Variants in PKP2 observed in about 807,000 individuals in gnomAD.
The protein encoded by PKP2 is plakophilin-2.
PKP2 carries 73 observed loss-of-function variants against 83.4 expected under a neutral mutation model. That is an observed-to-expected ratio of 0.88 (90% CI 0.72 to 1.06). The LOEUF (loss-of-function observed/expected upper bound fraction) is 1.06. PKP2 is among the 50% of genes least tolerant of loss of function. The probability of loss-of-function intolerance (pLI) is 0.00; values close to 1 mark genes in which losing one functional copy is unlikely to be tolerated. For missense variants in PKP2, 966 were observed against 1,065.4 expected (o/e 0.91, Z 1.30); for synonymous variants, 409 against 430.4 (o/e 0.95, Z 0.62).
At chr12:32,896,072 G>A (rs181113405) in intron 1 of PKP2, among the ~76,000 whole-genome samples, 247 of 152,202 alleles carry the variant, frequency 1.6e-3, no homozygotes, top group African/African-American at 5.4e-3. Context: ...ATATTTATGG[G>A]GGTCATTAAT....
intron 1 of PKP2, among the ~76,000 whole-genome samples, chr12:32,883,502 T>C (rs1276735719): frequency 6.6e-6 from 1 of 152,140 alleles, no homozygotes; most frequent in African/African-American, 2.4e-5. Flanking sequence ...ACATATAAAA[T>C]AACTCAGCCA....
intron 3 of PKP2, among the ~76,000 whole-genome samples, chr12:32,872,897 GA>G (rs977944992): frequency 5.3e-5 from 8 of 151,530 alleles, no homozygotes; most frequent in African/African-American, 7.3e-5. Context: ...AATGGAAATG[GA>G]AAAAAAAGGT....
At chr12:32,812,000 T>C (rs562438142) in intron 9 of PKP2, among the ~76,000 whole-genome samples, 1 of 152,282 alleles carries the variant, frequency 6.6e-6, no homozygotes, top group South Asian at 2.1e-4. Context: ...GCCATCAGCA[T>C]GCCTGGCCTG....
At chr12:32,828,739 G>A (rs1956468072) in intron 6 of PKP2, among the ~76,000 whole-genome samples, 1 of 152,182 alleles carries the variant, frequency 6.6e-6, no homozygotes, top group Admixed American at 6.5e-5. Flanking sequence ...TTACAACACA[G>A]AACATCCAAG....
intron 9 of PKP2, among the ~76,000 whole-genome samples, chr12:32,814,849 C>A (rs1956306036): frequency 6.6e-6 from 1 of 151,940 alleles, no homozygotes; most frequent in African/African-American, 2.4e-5. Context: ...CACTTGAACC[C>A]AGGAGGCGGA....
intron 4 of PKP2, among the ~76,000 whole-genome samples, chr12:32,856,961 C>G (rs1033500919): frequency 1.3e-5 from 2 of 152,096 alleles, no homozygotes; most frequent in Non-Finnish European, 2.9e-5. Context: ...AGCTGAAGCT[C>G]AGAGAAGTAA....
At position 32,791,543 on chromosome 12, in the gene PKP2, T is replaced by C. The variant is rs927514690; in HGVS notation, c.*881A>G. On this transcript the variant is annotated 3_prime_UTR_variant, in exon 13 of 13. Transcript: ENST00000340811. ...CCATTCTTTCACTAGTCCAGGGCAG[T>C]GGCCAAAAAAGTCCAGGAAAGGCAT... 1 of 152,222 alleles carries C rather than the reference T, an allele frequency of 6.6e-6. No homozygotes were observed. The highest frequency in any genetic ancestry group is 1.5e-5 in the Non-Finnish European group (1 of 68,052). 9.4% of individuals were successfully genotyped at this position (152,222 alleles called of 1,614,324 possible). A position where few individuals can be genotyped will look rare whatever the true frequency, so the allele number is the denominator to read the frequency against.
In PKP2 at chr12:32,896,559, T is replaced by C. The variant is rs982429227; in HGVS notation, c.173A>G (p.Glu58Gly). ...CCGGGCGAGGGTCTGCTGCACCTGC[T>C]CCTGGATCCGCAGGCTCTTGACTGT... Reference protein sequence around the residue: ...GQTVKSLRIQEQVQQTLARKG... With the variant: ...GQTVKSLRIQGQVQQTLARKG... The change falls in exon 1 of 13, where the codon GAG (glutamate) becomes GGG (glycine). Residue 58 changes from glutamate (E) to glycine (G), a missense_variant. Coordinates refer to ENST00000340811, the MANE Select transcript of PKP2 (RefSeq NM_001005242.3). 5 of 1,589,104 alleles carry C rather than the reference T, an allele frequency of 3.1e-6. No individual in the cohort carries two copies. Among genetic ancestry groups the C allele is most frequent in the Non-Finnish European group, 4.3e-6 (5 of 1,175,742 alleles).
intron 9 of PKP2, among the ~76,000 whole-genome samples, chr12:32,813,481 T>TA (rs1341814484): frequency 6.6e-6 from 1 of 152,158 alleles, no homozygotes; most frequent in African/African-American, 2.4e-5. Context: ...TTTTCAATAT[T>TA]AAAAATAGTA....
chr12:32,858,103 A>T lies in PKP2; in HGVS notation c.1171-7130T>A, dbSNP rs868658044. 2.1e-3 allele frequency among the ~76,000 whole-genome samples: 195 copies of T among 94,588 alleles called. 3 individuals are homozygous for T. Among genetic ancestry groups the T allele is most frequent in the African/African-American group, 9.2e-3 (186 of 20,268 alleles). The allele number at this position is 94,588 out of a possible 152,430, so 62.1% of individuals were successfully genotyped here. On this transcript the variant is annotated intron_variant, in intron 4 of 12. Coordinates refer to ENST00000340811, the MANE Select transcript of PKP2 (RefSeq NM_001005242.3). ...AAAAAAAATATATATATATATATAT[A>T]TATATATATATATTTATATATATTT...
rs12828091 is a variant in PKP2 at position 32,812,969 on chromosome 12, C to T, written c.2013+8387G>A. Among the ~76,000 whole-genome samples the T allele has an allele frequency of 3.3e-3, 502 of 152,246 alleles. 2 individuals are homozygous for T. Among genetic ancestry groups the T allele is most frequent in the Non-Finnish European group, 5.1e-3 (350 of 68,028 alleles). ...ATTCCTGGTTGTAGCTGTAAACTAT[C>T]GTGGGCACAGTCGGTCTGAAGAAGA... On this transcript the variant is annotated intron_variant, in intron 9 of 12. Coordinates refer to ENST00000340811, the MANE Select transcript of PKP2 (RefSeq NM_001005242.3).
chr12:32,861,317 C>T (rs1408302606), intron 4 of PKP2, among the ~76,000 whole-genome samples: 1 of 152,088 alleles, frequency 6.6e-6, no homozygotes, highest in African/African-American at 2.4e-5. Context: ...TTTTATCTGT[C>T]TTCCATATGT....
In PKP2 at chr12:32,827,267, T is replaced by C. The variant is rs1007026192; in HGVS notation, c.1557-3105A>G. Among the ~76,000 whole-genome samples the C allele has an allele frequency of 2.0e-5, 3 of 152,214 alleles. No homozygotes were observed. In the East Asian group the frequency reaches 5.8e-4, roughly 29 times the overall value. On this transcript the variant is annotated intron_variant, in intron 6 of 12. Coordinates refer to ENST00000340811, the MANE Select transcript of PKP2 (RefSeq NM_001005242.3). Reference sequence around the variant, plus strand: ...GACTCTACTTGCTTGAAATGGGACTTATCAGGGGTTTCTGGCAGTTGATAC... The same window carrying C: ...GACTCTACTTGCTTGAAATGGGACTCATCAGGGGTTTCTGGCAGTTGATAC...
chr12:32,879,812 C>CAA (rs1380156663), intron 1 of PKP2, among the ~76,000 whole-genome samples: 2 of 113,168 alleles, frequency 1.8e-5, no homozygotes, highest in East Asian at 5.0e-4. Flanking sequence ...GCCTGAGCAA[C>CAA]AAGAGTGAAA....
intron 6 of PKP2, chr12:32,824,505 A>AT: frequency 3.1e-6 from 1 of 325,414 alleles, no homozygotes; most frequent in South Asian, 2.8e-5. Flanking sequence ...CACATTAGAC[A>AT]TTATAATATA....
In PKP2 at chr12:32,859,560, T is replaced by C. The variant is rs1008142551; in HGVS notation, c.1171-8587A>G. Among the ~76,000 whole-genome samples, 11 of 152,248 alleles carry C rather than the reference T, an allele frequency of 7.2e-5. No individual in the cohort carries two copies. The South Asian group carries it at 1.7e-3, about 23-fold the overall frequency. On this transcript the variant is annotated intron_variant, in intron 4 of 12. Transcript: ENST00000340811. Reference sequence around the variant, plus strand: ...CAACCTCTGCCCCCTGGGTTCAAGCTATCCTCCTGCTTCTGCCTTCTGAGT... The same window carrying C: ...CAACCTCTGCCCCCTGGGTTCAAGCCATCCTCCTGCTTCTGCCTTCTGAGT...
At chr12:32,855,374 G>A (rs954992889) in intron 4 of PKP2, among the ~76,000 whole-genome samples, 1 of 152,050 alleles carries the variant, frequency 6.6e-6, no homozygotes. Flanking sequence ...TTACATGTCA[G>A]GCACACAGTA....
At chr12:32,855,086 G>A (rs987157253) in intron 4 of PKP2, among the ~76,000 whole-genome samples, 1 of 152,188 alleles carries the variant, frequency 6.6e-6, no homozygotes, top group Non-Finnish European at 1.5e-5. Context: ...GAAGGCAAGT[G>A]GCAATATGTG....
At chr12:32,826,954 T>TTCAG (rs1956447794) in intron 6 of PKP2, among the ~76,000 whole-genome samples, 1 of 152,258 alleles carries the variant, frequency 6.6e-6, no homozygotes, top group Non-Finnish European at 1.5e-5. Flanking sequence ...CTAGCATTCA[T>TTCAG]TCAGTCTGCA....
Sources: allele counts gnomAD v4.1 joint callset (sites outside exome capture counted in the v4.1 genomes callset), GRCh38; gene constraint gnomAD v4.1.1; transcripts MANE v1.5; gene names NCBI Gene and HGNC (gene_info 2026-07-23, HGNC 2026-07-21).